LRRC4C: variants seen among roughly 807,000 people sequenced by gnomAD.
LRRC4C encodes the protein leucine rich repeat containing 4C.
A neutral mutation model predicts 33.6 loss-of-function variants in LRRC4C; 5 were observed. That is an observed-to-expected ratio of 0.15 (90% CI 0.08 to 0.31). The LOEUF is 0.31. Among genes scored for constraint, LRRC4C ranks in the 10% least tolerant of loss-of-function variants. The pLI is 1.00. For synonymous variants in LRRC4C, 329 were observed against 302.0 expected, an observed-to-expected ratio of 1.09 and a Z score of -0.93; for missense variants, 560 against 796.7, an observed-to-expected ratio of 0.70 and a Z score of 3.58.
rs141657828 is a variant in LRRC4C at position 41,135,575 on chromosome 11, A to G, written c.-495-201852T>C. On this transcript the variant is annotated intron_variant, in intron 1 of 6. Coordinates refer to ENST00000528697, the MANE Select transcript of LRRC4C (RefSeq NM_001258419.2). ...CAGTGATACCACACTATTGATCCAC[A>G]TAGGCTACATATACATTAATGTTGT... Among the ~76,000 whole-genome samples, 938 of 152,306 alleles carry G rather than the reference A, an allele frequency of 6.2e-3. 15 individuals carry two copies. The highest frequency in any genetic ancestry group is 0.021 in the African/African-American group (889 of 41,564).
At chr11:40,326,225 C>A (rs978525129) in intron 3 of LRRC4C, among the ~76,000 whole-genome samples, 15 of 152,078 alleles carry the variant, frequency 9.9e-5, no homozygotes, top group Non-Finnish European at 1.5e-4. Flanking sequence ...GCATAGCTAA[C>A]CCTCACCCAG....
rs1281381963 is a variant in LRRC4C at position 40,985,585 on chromosome 11, G to A, written c.-495-51862C>T. On this transcript the variant is annotated intron_variant, in intron 1 of 6. Coordinates refer to ENST00000528697, the MANE Select transcript of LRRC4C (RefSeq NM_001258419.2). ...CGGCTCACTGCAAGCTCCGCTTCCC[G>A]GGTTCACGCCATTCTCCTGCCTCAG... Among the ~76,000 whole-genome samples the A allele has an allele frequency of 1.1e-3, 2 of 1,816 alleles. 1 individual carries two copies. The highest frequency in any genetic ancestry group is 1.1e-3 in the African/African-American group (2 of 1,758). 1.2% of individuals were successfully genotyped at this position (1,816 alleles called of 152,430 possible).
chr11:40,432,332 C>T lies in LRRC4C; in HGVS notation c.-269-112611G>A, dbSNP rs561770626. Among the ~76,000 whole-genome samples the T allele has an allele frequency of 2.0e-5, 3 of 152,272 alleles. No individual in the cohort carries two copies. In the East Asian group the frequency reaches 5.8e-4, roughly 29 times the overall value. ...CCCTCTGAACTACTTCAGTCCATTCCAATCTCTCCCTATGTACTGGTTACT... is the reference window on the plus strand; with the variant it reads ...CCCTCTGAACTACTTCAGTCCATTCTAATCTCTCCCTATGTACTGGTTACT... On this transcript the variant is annotated intron_variant, in intron 3 of 6. Transcript: ENST00000528697.
At chr11:40,383,109 G>A (rs981229534) in intron 3 of LRRC4C, among the ~76,000 whole-genome samples, 3 of 131,304 alleles carry the variant, frequency 2.3e-5, no homozygotes, top group South Asian at 2.8e-4. Context: ...AATGTAAGTG[G>A]TATTTTGCAG....
intron 1 of LRRC4C, among the ~76,000 whole-genome samples, chr11:41,231,433 G>A (rs1384958210): frequency 6.6e-6 from 1 of 151,348 alleles, no homozygotes; most frequent in African/African-American, 2.5e-5. Flanking sequence ...ATACTATGCA[G>A]CCATAAAAAA....
At chr11:40,550,368 A>C (rs1315496039) in intron 3 of LRRC4C, among the ~76,000 whole-genome samples, 1 of 152,132 alleles carries the variant, frequency 6.6e-6, no homozygotes, top group Admixed American at 6.6e-5. Flanking sequence ...TTTGTTGAGG[A>C]TGCAGAGATC....
intron 1 of LRRC4C, among the ~76,000 whole-genome samples, chr11:41,181,552 G>A (rs952369626): frequency 6.6e-6 from 1 of 152,116 alleles, no homozygotes; most frequent in Non-Finnish European, 1.5e-5. Context: ...ACCCTAATGA[G>A]TTAGAAAGAG....
chr11:40,357,973 A>G (rs979609658), intron 3 of LRRC4C, among the ~76,000 whole-genome samples: 1 of 152,100 alleles, frequency 6.6e-6, no homozygotes, highest in Non-Finnish European at 1.5e-5. Flanking sequence ...TCATGAGGTC[A>G]GGAGATCAAG....
chr11:40,925,539 A>T (rs758954487), intron 2 of LRRC4C, among the ~76,000 whole-genome samples: 12 of 152,198 alleles, frequency 7.9e-5, no homozygotes, highest in Non-Finnish European at 1.6e-4. Context: ...TGCCACTTTA[A>T]GCTTCTCAGA....
intron 2 of LRRC4C, among the ~76,000 whole-genome samples, chr11:40,751,745 C>G (rs188883674): frequency 6.6e-6 from 1 of 151,946 alleles, no homozygotes; most frequent in African/African-American, 2.4e-5. Flanking sequence ...GAAATAGAAA[C>G]AAATACAATT....
At chr11:40,399,580 GC>G (rs1355523421) in intron 3 of LRRC4C, among the ~76,000 whole-genome samples, 26 of 152,062 alleles carry the variant, frequency 1.7e-4, no homozygotes, top group South Asian at 6.2e-4. Flanking sequence ...TATACCTAAT[GC>G]TAAATGACGA....
intron 2 of LRRC4C, among the ~76,000 whole-genome samples, chr11:40,822,934 C>G (rs1490314073): frequency 6.6e-6 from 1 of 151,662 alleles, no homozygotes; most frequent in Non-Finnish European, 1.5e-5. Flanking sequence ...AAAGTCTGTT[C>G]TTTCTCCACA....
chr11:40,679,596 AG>A (rs1944575240), intron 2 of LRRC4C, among the ~76,000 whole-genome samples: 3 of 152,162 alleles, frequency 2.0e-5, no homozygotes, highest in Admixed American at 2.0e-4. Flanking sequence ...GACTGATGAA[AG>A]GGGCCAAGGT....
At chr11:40,612,537 A>G (rs971173819) in intron 3 of LRRC4C, among the ~76,000 whole-genome samples, 1 of 151,942 alleles carries the variant, frequency 6.6e-6, no homozygotes, top group Non-Finnish European at 1.5e-5. Flanking sequence ...ATTTTATGCT[A>G]TATGTTTTTA....
intron 2 of LRRC4C, among the ~76,000 whole-genome samples, chr11:40,753,842 C>G (rs1948812634): frequency 6.6e-6 from 1 of 151,790 alleles, no homozygotes; most frequent in Non-Finnish European, 1.5e-5. Flanking sequence ...AAATTCTTAT[C>G]ATTAATCATT....
intron 2 of LRRC4C, among the ~76,000 whole-genome samples, chr11:40,658,437 T>C (rs1943245724): frequency 6.6e-6 from 1 of 152,196 alleles, no homozygotes; most frequent in South Asian, 2.1e-4. Context: ...GTCAAGTCAG[T>C]ATGCTGAGAC....
At chr11:41,254,986 C>T (rs148487224) in intron 1 of LRRC4C, among the ~76,000 whole-genome samples, 154 of 152,082 alleles carry the variant, frequency 1.0e-3, no homozygotes, top group African/African-American at 3.3e-3. Context: ...AATGTTAAAA[C>T]GATTAAACTT....
At chr11:40,885,903 T>C (rs1955431577) in intron 2 of LRRC4C, among the ~76,000 whole-genome samples, 1 of 152,090 alleles carries the variant, frequency 6.6e-6, no homozygotes, top group Non-Finnish European at 1.5e-5. Context: ...AAGGATCCCC[T>C]TATATTTTGG....
At chr11:40,662,900 TA>T (rs1943520801) in intron 2 of LRRC4C, among the ~76,000 whole-genome samples, 1 of 152,190 alleles carries the variant, frequency 6.6e-6, no homozygotes. Context: ...ATGCACTCTA[TA>T]AATATTGGAT....
Sources: allele counts gnomAD v4.1 joint callset (sites outside exome capture counted in the v4.1 genomes callset), GRCh38; gene constraint gnomAD v4.1.1; transcripts MANE v1.5; gene names NCBI Gene and HGNC (gene_info 2026-07-23, HGNC 2026-07-21).